The following BNC2 variants were observed in gnomAD, a reference collection of about 807,000 sequenced individuals.
The protein encoded by BNC2 is basonuclin zinc finger protein 2, also known as zinc finger protein basonuclin-2.
Under a neutral mutation model 76.3 loss-of-function variants are expected in BNC2, and 20 were observed. The observed-to-expected ratio is 0.26, with a 90% CI of 0.18 to 0.38. The LOEUF is 0.38. Ranked by LOEUF, BNC2 falls within the 10% of genes least tolerant of loss-of-function variation. The pLI is 1.00. For missense variants in BNC2, 1,382 were observed against 1,399.8 expected (o/e 0.99, Z 0.20); for synonymous variants, 582 against 514.8 (o/e 1.13, Z -1.77).
chr9:16,686,024 C>T (rs972946734), intron 3 of BNC2, among the ~76,000 whole-genome samples: 2 of 151,926 alleles, frequency 1.3e-5, no homozygotes, highest in African/African-American at 4.8e-5. Flanking sequence ...TTCCTCTTTC[C>T]TTTAATTTTC....
intron 6 of BNC2, chr9:16,434,921 C>T: frequency 2.1e-6 from 1 of 468,474 alleles, no homozygotes; most frequent in South Asian, 1.5e-5. Context: ...ATACCATTTT[C>T]CCACATCAAC....
chr9:16,606,915 G>A (rs1279037528), intron 3 of BNC2, among the ~76,000 whole-genome samples: 1 of 152,016 alleles, frequency 6.6e-6, no homozygotes, highest in African/African-American at 2.4e-5. Flanking sequence ...TTTGGCCTGC[G>A]GCCATCCACA....
At chr9:16,840,752 C>T (rs1352447928) in intron 1 of BNC2, among the ~76,000 whole-genome samples, 1 of 152,212 alleles carries the variant, frequency 6.6e-6, no homozygotes, top group East Asian at 1.9e-4. Flanking sequence ...ACCAAATAAA[C>T]ATTTCAATCA....
At chr9:16,483,686 C>A (rs2131549912) in intron 5 of BNC2, among the ~76,000 whole-genome samples, 1 of 152,246 alleles carries the variant, frequency 6.6e-6, no homozygotes, top group African/African-American at 2.4e-5. Flanking sequence ...CAAGCAAATT[C>A]ACACGCATAT....
chr9:16,691,527 T>TG (rs1823164006), intron 3 of BNC2, among the ~76,000 whole-genome samples: 1 of 94,882 alleles, frequency 1.1e-5, no homozygotes, highest in African/African-American at 3.2e-5. Flanking sequence ...TTTTTTTTTT[T>TG]GAAACAGAGT....
chr9:16,768,432 G>T (rs1005485198), intron 1 of BNC2, among the ~76,000 whole-genome samples: 1 of 152,128 alleles, frequency 6.6e-6, no homozygotes, highest in African/African-American at 2.4e-5. Flanking sequence ...AAAGGGATTT[G>T]GATAATGGCA....
chr9:16,566,848 AAAAC>A (rs904851917), intron 4 of BNC2, among the ~76,000 whole-genome samples: 2 of 152,202 alleles, frequency 1.3e-5, no homozygotes, highest in Non-Finnish European at 2.9e-5. Flanking sequence ...ACCTGGAGGA[AAAAC>A]AAACAAAGGG....
intron 1 of BNC2, among the ~76,000 whole-genome samples, chr9:16,789,889 G>A (rs1817453642): frequency 6.6e-6 from 1 of 152,114 alleles, no homozygotes; most frequent in Non-Finnish European, 1.5e-5. Context: ...CCACTTTGTT[G>A]GTATACCCTC....
At chr9:16,755,141 G>A (rs1825342973) in intron 1 of BNC2, among the ~76,000 whole-genome samples, 1 of 152,132 alleles carries the variant, frequency 6.6e-6, no homozygotes, top group African/African-American at 2.4e-5. Flanking sequence ...TAAACATCTA[G>A]AAGTTATGTG....
chr9:16,427,925 G>A (rs1443648640), intron 6 of BNC2, among the ~76,000 whole-genome samples: 1 of 152,192 alleles, frequency 6.6e-6, no homozygotes, highest in Non-Finnish European at 1.5e-5. Flanking sequence ...TAGTTTTGAA[G>A]TGGTTAAACA....
At chr9:16,837,143 C>T (rs1469458529) in intron 1 of BNC2, among the ~76,000 whole-genome samples, 1 of 152,018 alleles carries the variant, frequency 6.6e-6, no homozygotes, top group African/African-American at 2.4e-5. Context: ...TTTTTGAACC[C>T]AAAAAATGGA....
At chr9:16,691,318 A>T (rs1823155144) in intron 3 of BNC2, among the ~76,000 whole-genome samples, 1 of 152,182 alleles carries the variant, frequency 6.6e-6, no homozygotes, top group African/African-American at 2.4e-5. Context: ...TACATTTGAT[A>T]AAAATGGATA....
intron 3 of BNC2, among the ~76,000 whole-genome samples, chr9:16,708,517 T>C (rs1369209843): frequency 1.3e-5 from 2 of 151,086 alleles, no homozygotes; most frequent in Non-Finnish European, 2.9e-5. Context: ...CAACCCTGAG[T>C]GAGGGAAAAC....
At chr9:16,735,738 C>G (rs991302240) in intron 2 of BNC2, among the ~76,000 whole-genome samples, 7 of 151,886 alleles carry the variant, frequency 4.6e-5, no homozygotes, top group Non-Finnish European at 7.4e-5. Context: ...CTCCTGGCCT[C>G]AATTGATCTG....
intron 5 of BNC2, among the ~76,000 whole-genome samples, chr9:16,477,430 G>C (rs1204268626): frequency 6.6e-6 from 1 of 151,548 alleles, no homozygotes; most frequent in Non-Finnish European, 1.5e-5. Context: ...AAATGTCTAA[G>C]CAACAGCCAA....
chr9:16,855,561 G>C (rs1819232638), intron 1 of BNC2, among the ~76,000 whole-genome samples: 1 of 152,174 alleles, frequency 6.6e-6, no homozygotes, highest in African/African-American at 2.4e-5. Context: ...TTTTTGAGAC[G>C]GAGTCTCGCT....
chr9:16,832,304 G>C, intron 1 of BNC2: 1 of 1,276,704 alleles, frequency 7.8e-7, no homozygotes, highest in Non-Finnish European at 1.0e-6. Context: ...ATGTTATCAA[G>C]GGAAAAGAAG....
chr9:16,796,645 G>T (rs957973916), intron 1 of BNC2, among the ~76,000 whole-genome samples: 1 of 136,762 alleles, frequency 7.3e-6, no homozygotes, highest in Admixed American at 7.2e-5. Context: ...GAAAGGAAAG[G>T]AAAGAGAAAA....
intron 5 of BNC2, chr9:16,476,281 A>T (rs971888217): frequency 6.6e-6 from 1 of 152,260 alleles, no homozygotes; most frequent in Non-Finnish European, 1.5e-5. Context: ...AGAAGTATTA[A>T]AAACAGCAGC....
Sources: gnomAD v4.1 joint callset for allele counts (sites outside exome capture counted in the v4.1 genomes callset) on GRCh38, gnomAD v4.1.1 for gene constraint, MANE v1.5 for transcripts, NCBI Gene and HGNC (gene_info 2026-07-23, HGNC 2026-07-21) for gene names.